CCDC141: variants seen among roughly 807,000 people sequenced by gnomAD.
CCDC141 encodes the protein coiled-coil domain containing 141, also known as coiled-coil domain-containing protein 141.
CCDC141 carries 168 observed loss-of-function variants against 181.0 expected under a neutral mutation model. The observed-to-expected ratio is 0.93, with a 90% CI of 0.82 to 1.05. CCDC141 has a LOEUF of 1.05. CCDC141 is among the 50% of genes least tolerant of loss of function. The pLI, the probability that CCDC141 is intolerant of heterozygous loss-of-function variation, is 0.00. For synonymous variants in CCDC141, 666 were observed against 642.3 expected, an observed-to-expected ratio of 1.04 and a Z score of -0.56; for missense variants, 1,902 against 1,788.5, an observed-to-expected ratio of 1.06 and a Z score of -1.14.
At chr2:178,915,028 C>T (rs1217474158) in intron 7 of CCDC141, among the ~76,000 whole-genome samples, 1 of 151,762 alleles carries the variant, frequency 6.6e-6, no homozygotes, top group African/African-American at 2.4e-5. Context: ...ACAAAAAATA[C>T]AAAAAATTAG....
chr2:178,869,542 C>G (rs1018285365), intron 14 of CCDC141, among the ~76,000 whole-genome samples: 8 of 152,128 alleles, frequency 5.3e-5, no homozygotes, highest in Admixed American at 2.6e-4. Flanking sequence ...ACAAAGGTTT[C>G]AAAGCTAGGT....
At chr2:178,966,803 C>G (rs989701154) in intron 4 of CCDC141, among the ~76,000 whole-genome samples, 6 of 151,686 alleles carry the variant, frequency 4.0e-5, no homozygotes, top group Non-Finnish European at 8.8e-5. Context: ...CAAACTGCTC[C>G]GAGCTAAAGT....
intron 2 of CCDC141, among the ~76,000 whole-genome samples, chr2:179,018,805 A>G (rs914873069): frequency 2.6e-5 from 4 of 152,140 alleles, no homozygotes; most frequent in African/African-American, 9.7e-5. Context: ...TCATTTTTGT[A>G]CTTATTGGAC....
chr2:179,035,190 A>G (rs1273908629), intron 2 of CCDC141, among the ~76,000 whole-genome samples: 3 of 152,098 alleles, frequency 2.0e-5, no homozygotes, highest in Non-Finnish European at 4.4e-5. Context: ...TATGATAGTC[A>G]TATCTTTGAA....
chr2:178,927,006 A>G (rs1308402997), intron 6 of CCDC141, among the ~76,000 whole-genome samples: 2 of 152,160 alleles, frequency 1.3e-5, no homozygotes, highest in African/African-American at 2.4e-5. Flanking sequence ...CCATGTGGTT[A>G]TTTTTACCTT....
In CCDC141 at chr2:178,975,102, C is replaced by T; in HGVS notation, c.481G>A (p.Glu161Lys). 9.1e-6 allele frequency: 14 copies of T among 1,532,068 alleles called. No individual in the cohort carries two copies. The highest frequency in any genetic ancestry group is 1.2e-5 in the Non-Finnish European group (14 of 1,133,190). The allele number at this position is 1,532,068 out of a possible 1,614,324, so 94.9% of individuals were successfully genotyped here. A position where few individuals can be genotyped will look rare whatever the true frequency, so the allele number is the denominator to read the frequency against. ...AGCTGAAGAAGTGATTTTAAGGACT[C>T]AGCACTCTCAAACTCATGAGTATTC... ...LQNTHEFESA[E>K]SLKSLLQLHE... is the part of the protein sequence containing the mutation. Residue 161 changes from glutamate to lysine, a missense_variant, in exon 4 of 24, where the codon GAG (glutamate) becomes AAG (lysine). By Grantham distance (56) the Glu-to-Lys change is moderately conservative (BLOSUM62 1). Transcript: ENST00000443758.
rs1382198139 is a variant in CCDC141 at position 178,830,181 on chromosome 2, A to T, written c.*3992T>A. ...CGGATGATGATTTATGCCTAAGTAC[A>T]TATGTTTTAAAATGTTGGAACACTT... On this transcript the variant is annotated 3_prime_UTR_variant, in exon 24 of 24. Coordinates refer to ENST00000443758, the MANE Select transcript of CCDC141 (RefSeq NM_173648.4). The T allele has an allele frequency of 6.6e-6, 1 of 152,228 alleles. No homozygotes were observed. Among genetic ancestry groups the T allele is most frequent in the East Asian group, 1.9e-4 (1 of 5,200 alleles). 9.4% of individuals were successfully genotyped at this position (152,228 alleles called of 1,614,324 possible). A position where few individuals can be genotyped will look rare whatever the true frequency, so the allele number is the denominator to read the frequency against.
intron 7 of CCDC141, 57 bp downstream of exon 7, chr2:178,918,656 G>A: frequency 7.2e-7 from 1 of 1,392,708 alleles, no homozygotes; most frequent in Non-Finnish European, 9.8e-7. Flanking sequence ...TTGAAGTAAT[G>A]GGTCTTTTAC....
chr2:178,872,206 G>A lies in CCDC141; in HGVS notation c.2006C>T (p.Ala669Val), dbSNP rs371625459. ...GCTTTCCGTGGCTTTAAGCTGCCAT[G>A]CCAGCCGAAGGAGGCTAAGTTCTTC... ...EREELSLLRL[A>V]WQLKATESKP... Residue 669 changes from alanine to valine, a missense_variant, in exon 13 of 24, where the codon GCA becomes GTA. By Grantham distance (64) the Ala-to-Val change is moderately conservative. Coordinates refer to ENST00000443758, the MANE Select transcript of CCDC141 (RefSeq NM_173648.4). 6.8e-6 allele frequency: 11 copies of A among 1,613,876 alleles called. No homozygotes were observed. The African/African-American group carries it at 1.5e-4, about 22-fold the overall frequency.
rs763292769 is a variant in CCDC141, at chr2:178,836,973, A to T, written c.4246T>A (p.Ser1416Thr). The change falls in exon 23 of 24, where the codon TCT (serine) becomes ACT (threonine). Residue 1416 changes from serine to threonine, a missense_variant. By Grantham distance (58) the Ser-to-Thr change is moderately conservative. Transcript: ENST00000443758. ...GAACCTTCCATGACAGTTACATTAG[A>T]CAGGAGCCTGGAGAAATTAGGTGCC... ...DQAPNFSRLL[S>T]NVTVMEGSPV... The T allele has an allele frequency of 6.2e-7, 1 of 1,613,960 alleles. No individual in the cohort carries two copies. Among genetic ancestry groups the T allele is most frequent in the Non-Finnish European group, 8.5e-7 (1 of 1,179,954 alleles).
chr2:179,037,985 C>G (rs1463893007), intron 2 of CCDC141, among the ~76,000 whole-genome samples: 4 of 152,138 alleles, frequency 2.6e-5, no homozygotes, highest in African/African-American at 9.7e-5. Context: ...ATACCCAGCA[C>G]AGGACCCAGC....
intron 22 of CCDC141, among the ~76,000 whole-genome samples, chr2:178,844,384 C>A (rs756590003): frequency 6.6e-6 from 1 of 152,106 alleles, no homozygotes; most frequent in Non-Finnish European, 1.5e-5. Flanking sequence ...AACTACAATG[C>A]GTAGGACAGC....
downstream of CCDC141, among the ~76,000 whole-genome samples, chr2:178,826,025 A>G (rs1366872248): frequency 6.6e-6 from 1 of 152,194 alleles, no homozygotes; most frequent in African/African-American, 2.4e-5. Flanking sequence ...GAGTGGTAAG[A>G]GAGGATGTCC....
chr2:179,047,445 T>A, intron 1 of CCDC141, 39 bp from the exon 2 acceptor site: 1 of 1,444,822 alleles, frequency 6.9e-7, no homozygotes, highest in South Asian at 1.5e-5. Context: ...TTTTAGTTCC[T>A]CTTGTTCCTT....
At chr2:178,906,729 A>C (rs529749787) in intron 7 of CCDC141, among the ~76,000 whole-genome samples, 10 of 152,258 alleles carry the variant, frequency 6.6e-5, no homozygotes, top group Non-Finnish European at 1.5e-4. Context: ...AGGATCCCAG[A>C]GCAAAAGAAA....
the CCDC141 span, among the ~76,000 whole-genome samples, chr2:178,815,301 G>A: frequency 6.6e-6 from 1 of 152,202 alleles, no homozygotes; most frequent in Non-Finnish European, 1.5e-5. Flanking sequence ...AAGGAAATGA[G>A]AGTGGAGCAG....
chr2:178,985,369 G>T (rs1691672387), intron 2 of CCDC141, among the ~76,000 whole-genome samples: 1 of 145,712 alleles, frequency 6.9e-6, no homozygotes, highest in Non-Finnish European at 1.5e-5. Flanking sequence ...AAGCAGGAAA[G>T]ATCCAAAATT....
At position 178,905,318 on chromosome 2, in the gene CCDC141, A is replaced by G. The variant is rs970395766; in HGVS notation, c.1265+11T>C. On this transcript the variant is annotated intron_variant, in intron 8 of 23. Transcript: ENST00000443758. ...GCTTGTTACACTGAGAAAGAAATCA[A>G]CTTTACTCACCTGCAGGAGTCTACT... is the stretch of plus-strand genomic sequence containing the variant. 1.8e-5 allele frequency: 28 copies of G among 1,535,080 alleles called. No individual in the cohort carries two copies. The highest frequency in any genetic ancestry group is 2.2e-5 in the Non-Finnish European group (25 of 1,140,828).
chr2:178,957,618 G>T (rs1681673207), intron 5 of CCDC141, among the ~76,000 whole-genome samples: 1 of 152,200 alleles, frequency 6.6e-6, no homozygotes, highest in Non-Finnish European at 1.5e-5. Context: ...AGCTGCACAT[G>T]GATGCCCATA....
Sources: gnomAD v4.1 joint callset for allele counts (sites outside exome capture counted in the v4.1 genomes callset) on GRCh38, gnomAD v4.1.1 for gene constraint, MANE v1.5 for transcripts, NCBI Gene and HGNC (gene_info 2026-07-23, HGNC 2026-07-21) for gene names.